SLC26A7: variants seen among roughly 807,000 people sequenced by gnomAD.
SLC26A7 encodes anion exchange transporter.
A neutral mutation model predicts 82.5 loss-of-function variants in SLC26A7; 59 were observed. The ratio of observed to expected loss-of-function variants is 0.72; its 90% confidence interval spans 0.58 to 0.89. The LOEUF (loss-of-function observed/expected upper bound fraction) is 0.89, where lower values mean the gene tolerates loss of function less well. Among genes scored for constraint, SLC26A7 ranks in the 40% least tolerant of loss-of-function variants. The pLI is 0.00. For missense variants in SLC26A7, 820 were observed against 793.0 expected (o/e 1.03, Z -0.41); for synonymous variants, 271 against 274.3 (o/e 0.99, Z 0.12).
chr8:91,344,142 A>G (rs1813496721), intron 9 of SLC26A7: 2 of 985,306 alleles, frequency 2.0e-6, no homozygotes, highest in African/African-American at 3.5e-5. Context: ...CTTTTGTTAT[A>G]AATGAACTTG....
chr8:91,313,046 A>G (rs989275497), intron 4 of SLC26A7, among the ~76,000 whole-genome samples: 6 of 152,124 alleles, frequency 3.9e-5, no homozygotes, highest in African/African-American at 1.2e-4. Flanking sequence ...ATGTCATATT[A>G]AAAATAGCAC....
In SLC26A7 at chr8:91,395,161, T is replaced by G; in HGVS notation, c.*64T>G. ...TGCCTGAAGAGGCCATATGCTGGCATTTTGCACAACTTTTTGGTTGTTTAG... is the reference window on the plus strand; with the variant it reads ...TGCCTGAAGAGGCCATATGCTGGCAGTTTGCACAACTTTTTGGTTGTTTAG... On this transcript the variant is annotated 3_prime_UTR_variant, in exon 19 of 19. Transcript: ENST00000276609. 1 of 1,606,944 alleles carries G rather than the reference T, an allele frequency of 6.2e-7. No individual in the cohort carries two copies. The highest frequency in any genetic ancestry group is 1.3e-5 in the African/African-American group (1 of 74,714).
intron 2 of SLC26A7, among the ~76,000 whole-genome samples, chr8:91,230,076 G>C (rs548304296): frequency 6.6e-6 from 1 of 152,068 alleles, no homozygotes; most frequent in South Asian, 2.1e-4. Flanking sequence ...TTTCTGCAAG[G>C]CTTTTTTTTC....
chr8:91,317,174 G>A (rs796945976), intron 4 of SLC26A7, among the ~76,000 whole-genome samples: 5 of 151,448 alleles, frequency 3.3e-5, no homozygotes, highest in African/African-American at 9.7e-5. Flanking sequence ...AAAAGAAAAA[G>A]GAAAAAAGAG....
chr8:91,313,581 A>T (rs1429223021), intron 4 of SLC26A7, among the ~76,000 whole-genome samples: 1 of 152,132 alleles, frequency 6.6e-6, no homozygotes, highest in Non-Finnish European at 1.5e-5. Context: ...TTAACATTTC[A>T]GGCCCCACCC....
chr8:91,320,895 C>T (rs529962257), intron 5 of SLC26A7, among the ~76,000 whole-genome samples: 3 of 152,310 alleles, frequency 2.0e-5, no homozygotes, highest in East Asian at 3.9e-4. Flanking sequence ...ATTCTTGGAA[C>T]ATAAATTGGA....
intron 16 of SLC26A7, among the ~76,000 whole-genome samples, chr8:91,392,175 C>T (rs753864980): frequency 3.3e-5 from 5 of 152,096 alleles, no homozygotes; most frequent in Non-Finnish European, 7.4e-5. Context: ...TCTATATATA[C>T]AAAACCAGCA....
At chr8:91,245,658 T>G (rs1810535443), upstream of SLC26A7, among the ~76,000 whole-genome samples, 1 of 152,182 alleles carries the variant, frequency 6.6e-6, no homozygotes, top group Non-Finnish European at 1.5e-5. Flanking sequence ...GTGTCTTAGG[T>G]GTCCCAATCT....
At chr8:91,320,427 A>G (rs1322904287) in intron 5 of SLC26A7, among the ~76,000 whole-genome samples, 1 of 152,200 alleles carries the variant, frequency 6.6e-6, no homozygotes, top group Non-Finnish European at 1.5e-5. Flanking sequence ...CTTGCTTTTC[A>G]ATTATCACAG....
intron 2 of SLC26A7, among the ~76,000 whole-genome samples, chr8:91,282,900 C>T (rs2130755147): frequency 6.6e-6 from 1 of 152,298 alleles, no homozygotes; most frequent in Middle Eastern, 3.4e-3. Flanking sequence ...CCTCAGGCAT[C>T]TACTCTTCAT....
chr8:91,294,727 C>T (rs1811970380), intron 3 of SLC26A7, among the ~76,000 whole-genome samples: 1 of 152,090 alleles, frequency 6.6e-6, no homozygotes, highest in Admixed American at 6.6e-5. Context: ...AGATGAGAGG[C>T]TTCAGAACTC....
At chr8:91,274,980 A>G (rs901523170) in intron 2 of SLC26A7, among the ~76,000 whole-genome samples, 1 of 152,158 alleles carries the variant, frequency 6.6e-6, no homozygotes, top group African/African-American at 2.4e-5. Flanking sequence ...TATATCACTG[A>G]TATCAGTCAT....
intron 1 of SLC26A7, among the ~76,000 whole-genome samples, chr8:91,210,607 A>T (rs1037574871): frequency 6.6e-6 from 1 of 151,062 alleles, no homozygotes; most frequent in Non-Finnish European, 1.5e-5. Flanking sequence ...GTTAACATCA[A>T]TCATCACTGA....
chr8:91,339,958 T>A (rs566726389), intron 7 of SLC26A7, among the ~76,000 whole-genome samples: 1 of 152,168 alleles, frequency 6.6e-6, no homozygotes, highest in South Asian at 2.1e-4. Flanking sequence ...AATGGCAAAT[T>A]TAGGGATGAA....
At chr8:91,312,964 GTCTT>G (rs1812531402) in intron 4 of SLC26A7, among the ~76,000 whole-genome samples, 1 of 152,032 alleles carries the variant, frequency 6.6e-6, no homozygotes, top group Non-Finnish European at 1.5e-5. Flanking sequence ...TGTTGATAGA[GTCTT>G]TAGATGCACA....
chr8:91,309,229 A>T (rs187526594), intron 4 of SLC26A7, among the ~76,000 whole-genome samples: 1 of 151,766 alleles, frequency 6.6e-6, no homozygotes, highest in African/African-American at 2.4e-5. Flanking sequence ...TCTTGAGATC[A>T]TAATAAAATA....
chr8:91,336,399 C>T (rs905921945), intron 6 of SLC26A7, among the ~76,000 whole-genome samples: 3 of 152,074 alleles, frequency 2.0e-5, no homozygotes, highest in Non-Finnish European at 4.4e-5. Context: ...CTCATAGGAA[C>T]ACGAACCCTG....
At chr8:91,264,594 T>C (rs996966076) in intron 2 of SLC26A7, among the ~76,000 whole-genome samples, 3 of 152,008 alleles carry the variant, frequency 2.0e-5, no homozygotes, top group African/African-American at 7.2e-5. Flanking sequence ...ATGTTGTTTC[T>C]ATTGTTGATA....
At chr8:91,237,573 C>G (rs894362457) in intron 2 of SLC26A7, among the ~76,000 whole-genome samples, 1 of 152,160 alleles carries the variant, frequency 6.6e-6, no homozygotes, top group African/African-American at 2.4e-5. Context: ...TCCAGACTTG[C>G]TCCATCTGGC....
Sources: gnomAD v4.1 joint callset for allele counts (sites outside exome capture counted in the v4.1 genomes callset) on GRCh38, gnomAD v4.1.1 for gene constraint, MANE v1.5 for transcripts, NCBI Gene and HGNC (gene_info 2026-07-23, HGNC 2026-07-21) for gene names.